The following ELF1 variants were observed in gnomAD, a reference collection of about 807,000 sequenced individuals.
The protein encoded by ELF1 is E74 like ETS transcription factor 1, also known as ETS-related transcription factor Elf-1.
Under a neutral mutation model 59.9 loss-of-function variants are expected in ELF1, and 24 were observed. That is an observed-to-expected ratio of 0.40 (90% CI 0.29 to 0.56). The LOEUF (loss-of-function observed/expected upper bound fraction) is 0.56. ELF1 is among the 20% of genes least tolerant of loss of function. The pLI is 0.44. For missense variants in ELF1, 627 were observed against 742.2 expected, an observed-to-expected ratio of 0.84 and a Z score of 1.80; for synonymous variants, 248 against 266.2, an observed-to-expected ratio of 0.93 and a Z score of 0.67.
chr13:40,968,439 C>T (rs1872318877), intron 2 of ELF1, among the ~76,000 whole-genome samples: 1 of 152,024 alleles, frequency 6.6e-6, no homozygotes. Flanking sequence ...ATTTATATTC[C>T]AAGAGTATGA....
rs543437481 is a variant in ELF1 at position 41,030,643 on chromosome 13, G to A, written c.-229+30195C>T. ...GTGTGTGCCTGTGGTCCCAGCTACT[G>A]GGGAGGCTGAGGTGGGAAGACTGCT... On this transcript the variant is annotated intron_variant, in intron 1 of 1. Coordinates refer to the ELF1 transcript ENST00000405737. 2.0e-5 allele frequency among the ~76,000 whole-genome samples: 3 copies of A among 150,300 alleles called. No individual in the cohort carries two copies. In the East Asian group the frequency reaches 6.1e-4, roughly 30 times the overall value.
intron 3 of ELF1, among the ~76,000 whole-genome samples, chr13:40,956,090 G>A (rs1406818939): frequency 3.4e-5 from 5 of 148,416 alleles, no homozygotes; most frequent in East Asian, 2.0e-4. Flanking sequence ...AGCTCATTGA[G>A]AACGGGCCAT....
At chr13:40,956,271 A>AC (rs1252229867) in intron 3 of ELF1, among the ~76,000 whole-genome samples, 7 of 151,646 alleles carry the variant, frequency 4.6e-5, no homozygotes, top group Non-Finnish European at 4.4e-5. Context: ...CTGTGACCTT[A>AC]CCCCCAACCC....
At chr13:41,052,420 A>T (rs748327106) in intron 1 of ELF1, among the ~76,000 whole-genome samples, 15 of 152,228 alleles carry the variant, frequency 9.9e-5, no homozygotes, top group Non-Finnish European at 1.9e-4. Flanking sequence ...ATGTAAGTTC[A>T]TTGTCATTTA....
At chr13:40,983,040 C>T (rs886629044) in intron 1 of ELF1, 1 of 179,092 alleles carries the variant, frequency 5.6e-6, no homozygotes, top group African/African-American at 2.4e-5. Flanking sequence ...GTAGTGAAAA[C>T]AATTTCACAG....
intron 1 of ELF1, among the ~76,000 whole-genome samples, chr13:41,043,253 T>C (rs911725239): frequency 6.6e-6 from 1 of 152,258 alleles, no homozygotes; most frequent in African/African-American, 2.4e-5. Flanking sequence ...ATTCTATAGG[T>C]TGCCTGTTCA....
intron 1 of ELF1, among the ~76,000 whole-genome samples, chr13:41,039,307 G>A (rs7995287): frequency 0.01 from 1,365 of 133,904 alleles, 25 homozygotes; most frequent in African/African-American, 0.035. Context: ...GAACAAACTA[G>A]GGAAAAATAT....
intron 2 of ELF1, among the ~76,000 whole-genome samples, chr13:40,974,933 GGGGA>G (rs1289992922): frequency 6.6e-6 from 1 of 152,134 alleles, no homozygotes; most frequent in Non-Finnish European, 1.5e-5. Flanking sequence ...GCTTGTAGCT[GGGGA>G]CTCTAAGACA....
In ELF1 at chr13:40,954,580, T is replaced by C. The variant is rs551056390; in HGVS notation, c.254-3144A>G. Among the ~76,000 whole-genome samples the C allele has an allele frequency of 3.9e-4, 59 of 152,044 alleles. 1 individual carries two copies. In the East Asian group the frequency reaches 0.011, roughly 28 times the overall value. On this transcript the variant is annotated intron_variant, in intron 3 of 8. Transcript: ENST00000239882. Reference sequence around the variant, plus strand: ...CTCCTGCCTCAGCCTGCCGAGTGCCTGCGATTGCAGGCGCGCGCCGCCACG... The same window carrying C: ...CTCCTGCCTCAGCCTGCCGAGTGCCCGCGATTGCAGGCGCGCGCCGCCACG...
intron 8 of ELF1, among the ~76,000 whole-genome samples, chr13:40,939,340 C>T (rs1869986744): frequency 6.6e-6 from 1 of 152,016 alleles, no homozygotes; most frequent in African/African-American, 2.4e-5. Flanking sequence ...AAAACAAAAA[C>T]CTACTCTATA....
At chr13:40,997,278 G>C (rs1277583006) in intron 1 of ELF1, among the ~76,000 whole-genome samples, 1 of 151,376 alleles carries the variant, frequency 6.6e-6, no homozygotes, top group Non-Finnish European at 1.5e-5. Context: ...TTTCTTTTGA[G>C]ACGGAGTCTC....
intron 2 of ELF1, among the ~76,000 whole-genome samples, chr13:40,981,106 C>G (rs964176414): frequency 7.0e-6 from 1 of 142,834 alleles, no homozygotes; most frequent in Non-Finnish European, 1.5e-5. Flanking sequence ...AAAGGCATTA[C>G]ATATTATAAT....
intron 4 of ELF1, 127 bp downstream of exon 4, chr13:40,951,202 T>A (rs1023847951): frequency 2.8e-6 from 2 of 716,780 alleles, no homozygotes; most frequent in Admixed American, 3.5e-5. Flanking sequence ...ATTCCTACTA[T>A]ACCTTAAAAT....
chr13:40,968,115 C>T (rs1872299009), intron 2 of ELF1, among the ~76,000 whole-genome samples: 8 of 152,158 alleles, frequency 5.3e-5, no homozygotes, highest in Admixed American at 5.2e-4. Flanking sequence ...AATTCATAAA[C>T]TGCATGCTTA....
At chr13:40,972,448 T>C (rs1464951618) in intron 2 of ELF1, among the ~76,000 whole-genome samples, 2 of 152,204 alleles carry the variant, frequency 1.3e-5, no homozygotes, top group African/African-American at 4.8e-5. Flanking sequence ...AGGAAAAATG[T>C]GACAACAGAA....
chr13:40,976,944 T>G (rs1000153697), intron 2 of ELF1, among the ~76,000 whole-genome samples: 1 of 152,174 alleles, frequency 6.6e-6, no homozygotes, highest in East Asian at 1.9e-4. Flanking sequence ...GTGATGAGAT[T>G]CTATAAAAAT....
intron 3 of ELF1, among the ~76,000 whole-genome samples, chr13:40,955,646 C>T (rs1345523344): frequency 1.1e-4 from 12 of 104,404 alleles, no homozygotes; most frequent in African/African-American, 4.0e-4. Context: ...CCCCTCTGCC[C>T]GGCCAGCCGC....
chr13:40,954,668 T>G (rs1392340603), intron 3 of ELF1, among the ~76,000 whole-genome samples: 1 of 152,190 alleles, frequency 6.6e-6, no homozygotes, highest in African/African-American at 2.4e-5. Flanking sequence ...CGGGCTGGTC[T>G]CCAGCTCCTA....
intron 2 of ELF1, among the ~76,000 whole-genome samples, chr13:40,965,601 A>T (rs956479556): frequency 6.6e-6 from 1 of 152,078 alleles, no homozygotes; most frequent in Non-Finnish European, 1.5e-5. Context: ...AACCTGGGTG[A>T]TAGAGCAAGA....
Sources: allele counts gnomAD v4.1 joint callset (sites outside exome capture counted in the v4.1 genomes callset), GRCh38; gene constraint gnomAD v4.1.1; transcripts MANE v1.5; gene names NCBI Gene and HGNC (gene_info 2026-07-23, HGNC 2026-07-21).